PAM16: variants seen among roughly 807,000 people sequenced by gnomAD.
PAM16 encodes the protein presequence translocase associated motor 16.
PAM16 carries 11 observed loss-of-function variants against 17.9 expected under a neutral mutation model. The observed-to-expected ratio is 0.62, with a 90% CI of 0.39 to 1.02. The LOEUF is 1.02. Ranked by LOEUF, PAM16 falls within the 50% of genes least tolerant of loss-of-function variation. PAM16 has a pLI of 0.01. For synonymous variants in PAM16, 72 were observed against 67.4 expected (o/e 1.07, Z -0.34); for missense variants, 199 against 165.4 (o/e 1.20, Z -1.11).
intron 1 of PAM16, among the ~76,000 whole-genome samples, chr16:4,350,240 A>C (rs1371336759): frequency 6.6e-6 from 1 of 151,332 alleles, no homozygotes; most frequent in East Asian, 1.9e-4. Flanking sequence ...TCAACTTCCC[A>C]AGCAGCTGGG....
At chr16:4,342,742 T>C (rs956819174) in intron 2 of PAM16, among the ~76,000 whole-genome samples, 1 of 152,028 alleles carries the variant, frequency 6.6e-6, no homozygotes, top group African/African-American at 2.4e-5. Flanking sequence ...GCGGATCACC[T>C]GAAGTCAGGC....
chr16:4,343,927 T>C, intron 1 of PAM16: 1 of 397,876 alleles, frequency 2.5e-6, no homozygotes, highest in Non-Finnish European at 4.4e-6. Flanking sequence ...AGCCATTGGT[T>C]CACCCATTCA....
chr16:4,348,378 G>A, intron 1 of PAM16: 1 of 152,402 alleles, frequency 6.6e-6, no homozygotes, highest in East Asian at 1.9e-4. Flanking sequence ...GCCGCCTGCA[G>A]ATTTGGTCCA....
In PAM16 at chr16:4,341,344, T is replaced by G. The variant is rs200815494; in HGVS notation, c.225+24A>C. On this transcript the variant is annotated intron_variant, in intron 3 of 4. Transcript: ENST00000318059. ...CCCTGGCAGCCTCTCCCTCTCAAAC[T>G]TTGGGGTGGCCCAGTGGCCTCACCT... The G allele has an allele frequency of 8.5e-5, 132 of 1,556,824 alleles. No individual in the cohort carries two copies. The East Asian group carries it at 2.9e-3, about 34-fold the overall frequency.
Position 4,340,516 on chromosome 16 carries a change from G to A in PAM16, c.292-111C>T. 6 of 1,224,496 alleles carry A rather than the reference G, an allele frequency of 4.9e-6. No homozygotes were observed. In the South Asian group the frequency reaches 5.3e-5, roughly 11 times the overall value. The allele number at this position is 1,224,496 out of a possible 1,614,324, so 75.9% of individuals were successfully genotyped here. A position where few individuals can be genotyped will look rare whatever the true frequency, so the allele number is the denominator to read the frequency against. On this transcript the variant is annotated intron_variant, in intron 4 of 4. Transcript: ENST00000318059. The stretch of plus-strand genomic sequence containing the variant: ...CCAGGTCCATTTTTTGAAGGGCAGT[G>A]GGTGGATACCAATGCTTCCTTCAGT...
At position 4,340,910 on chromosome 16, in the gene PAM16, G is replaced by A. The variant is rs116657149; in HGVS notation, c.291+10C>T. The A allele has an allele frequency of 3.0e-3, 4,790 of 1,612,954 alleles. 131 individuals are homozygous for A. In the African/African-American group the frequency reaches 0.054, roughly 18 times the overall value. ...TGACTTCATTCCTCCCAGAATCAAA[G>A]ACCACTCACCTTTGACTGCAGGTAG... On this transcript the variant is annotated intron_variant, in intron 4 of 4. Transcript: ENST00000318059.
chr16:4,348,610 C>T (rs1294312382), intron 1 of PAM16: 1 of 152,370 alleles, frequency 6.6e-6, no homozygotes, highest in African/African-American at 2.4e-5. Flanking sequence ...TCCCCATCCC[C>T]CGGGTGAAAC....
At chr16:4,346,023 A>C in intron 1 of PAM16, 2 of 966,072 alleles carry the variant, frequency 2.1e-6, no homozygotes, top group Non-Finnish European at 2.5e-6. Context: ...CAAAATAATG[A>C]ACGGTAAGAG....
chr16:4,343,199 A>C lies in PAM16; in HGVS notation c.88+8T>G, dbSNP rs920008825. 6.2e-7 allele frequency: 1 copy of C among 1,612,108 alleles called. No individual in the cohort carries two copies. The highest frequency in any genetic ancestry group is 8.5e-7 in the Non-Finnish European group (1 of 1,179,664). On this transcript the variant is annotated splice_region_variant and intron_variant, in intron 2 of 4. Transcript: ENST00000318059. Reference sequence around the variant, plus strand: ...CCCAGCCCACAGGGGAGACGGACCCATGCTTACCTGCAAACTCCTGCCGCA... The same window carrying C: ...CCCAGCCCACAGGGGAGACGGACCCCTGCTTACCTGCAAACTCCTGCCGCA...
intron 1 of PAM16, among the ~76,000 whole-genome samples, chr16:4,346,250 C>T (rs1241543090): frequency 6.6e-6 from 1 of 152,200 alleles, no homozygotes; most frequent in Non-Finnish European, 1.5e-5. Flanking sequence ...CACCTGCAGG[C>T]TTTGGGATCA....
intron 1 of PAM16, chr16:4,348,137 G>C (rs564388486): frequency 1.3e-5 from 2 of 152,346 alleles, no homozygotes; most frequent in South Asian, 4.1e-4. Context: ...ATCACAACTA[G>C]ACAGGAGAAA....
At chr16:4,342,683 A>G (rs549257520) in intron 2 of PAM16, among the ~76,000 whole-genome samples, 3 of 151,640 alleles carry the variant, frequency 2.0e-5, no homozygotes, top group Non-Finnish European at 4.4e-5. Context: ...TTACAAAACC[A>G]GGGCCGGGCG....
chr16:4,349,795 T>G (rs1332699168), intron 1 of PAM16, among the ~76,000 whole-genome samples: 1 of 151,768 alleles, frequency 6.6e-6, no homozygotes, highest in Non-Finnish European at 1.5e-5. Flanking sequence ...ACCCCATGAG[T>G]TTTGGGACAG....
chr16:4,346,049 G>C (rs989633364), intron 1 of PAM16: 6 of 875,134 alleles, frequency 6.9e-6, no homozygotes, highest in African/African-American at 3.7e-5. Context: ...GTCATAACTG[G>C]GGAGCTTCCC....
Position 4,340,335 on chromosome 16 carries a change from T to C in PAM16, c.362A>G (p.Gln121Arg), listed in dbSNP as rs966494427. Reference protein sequence around the residue: ...IQAQEDREKGQMPHT With the variant: ...IQAQEDREKGRMPHT ...GCCGAGCAGTCACGTATGGGGCATCTGCCCTTTTTCTCTGTCCTCCTGGGC... is the reference window on the plus strand; with the variant it reads ...GCCGAGCAGTCACGTATGGGGCATCCGCCCTTTTTCTCTGTCCTCCTGGGC... The change falls in exon 5 of 5, where the codon CAG becomes CGG. Residue 121 changes from glutamine to arginine, a missense_variant. Coordinates refer to ENST00000318059, the MANE Select transcript of PAM16 (RefSeq NM_016069.11). 3.1e-6 allele frequency: 5 copies of C among 1,612,812 alleles called. No homozygotes were observed. Among genetic ancestry groups the C allele is most frequent in the Non-Finnish European group, 4.2e-6 (5 of 1,179,848 alleles).
chr16:4,343,611 T>C (rs2053686595), intron 1 of PAM16: 1 of 1,368,270 alleles, frequency 7.3e-7, no homozygotes, highest in East Asian at 2.7e-5. Flanking sequence ...GAAGAAACAC[T>C]GTGGTCTGGG....
chr16:4,343,211 A>G lies in PAM16; in HGVS notation c.84T>C (p.Phe28=), dbSNP rs1222929495. 1 of 1,612,786 alleles carries G rather than the reference A, an allele frequency of 6.2e-7. No individual in the cohort carries two copies. The part of the protein sequence containing the change: ...RAFARALRQE[F]AASRAAADAR... ...GGGAGACGGACCCATGCTTACCTGC[A>G]AACTCCTGCCGCAAGGCCCGTGCAA... The change falls in exon 2 of 5, where the codon TTT becomes TTC. Residue 28 remains phenylalanine (F), a synonymous_variant. Coordinates refer to ENST00000318059, the MANE Select transcript of PAM16 (RefSeq NM_016069.11).
At chr16:4,348,144 G>C (rs375062818) in intron 1 of PAM16, 1 of 152,256 alleles carries the variant, frequency 6.6e-6, no homozygotes, top group South Asian at 2.1e-4. Flanking sequence ...CTAGACAGGA[G>C]AAAGGTCAGG....
At chr16:4,346,035 T>A in intron 1 of PAM16, 1 of 936,496 alleles carries the variant, frequency 1.1e-6, no homozygotes, top group Non-Finnish European at 1.3e-6. Flanking sequence ...CGGTAAGAGC[T>A]GAGGTCATAA....
Sources: gnomAD v4.1 joint callset for allele counts (sites outside exome capture counted in the v4.1 genomes callset) on GRCh38, gnomAD v4.1.1 for gene constraint, MANE v1.5 for transcripts, NCBI Gene and HGNC (gene_info 2026-07-23, HGNC 2026-07-21) for gene names.